The following NEXMIF variants were observed in gnomAD, a reference collection of about 807,000 sequenced individuals.
The protein encoded by NEXMIF is XLMR protein related to neurite extension.
A neutral mutation model predicts 62.1 loss-of-function variants in NEXMIF; 8 were observed. The ratio of observed to expected loss-of-function variants is 0.13; its 90% confidence interval spans 0.08 to 0.23. The LOEUF is 0.23. Ranked by LOEUF, NEXMIF falls within the 10% of genes least tolerant of loss-of-function variation. NEXMIF has a pLI of 1.00. For missense variants in NEXMIF, 976 were observed against 1,113.3 expected, an observed-to-expected ratio of 0.88 and a Z score of 1.75; for synonymous variants, 404 against 416.6, an observed-to-expected ratio of 0.97 and a Z score of 0.37.
intron 1 of NEXMIF, among the ~76,000 whole-genome samples, chrX:74,884,889 C>G (rs754433437): frequency 1.8e-5 from 2 of 111,492 alleles, no homozygotes; most frequent in African/African-American, 3.3e-5. Context: ...TGACCACATT[C>G]TTGGAAGTAA....
chrX:74,873,551 C>G (rs2080613484), intron 1 of NEXMIF, among the ~76,000 whole-genome samples: 2 of 111,809 alleles, frequency 1.8e-5, no homozygotes, highest in Admixed American at 1.9e-4. Context: ...TTCTAGATCC[C>G]TGAGGAAACA....
At chrX:74,851,378 A>G (rs370773359) in intron 1 of NEXMIF, among the ~76,000 whole-genome samples, 1 of 111,361 alleles carries the variant, frequency 9.0e-6, no homozygotes, top group Non-Finnish European at 1.9e-5. Context: ...AAGCTCAGAG[A>G]TCTCCAAATA....
chrX:74,856,496 G>A (rs185078322), intron 1 of NEXMIF, among the ~76,000 whole-genome samples: 16 of 111,368 alleles, frequency 1.4e-4, no homozygotes, highest in African/African-American at 5.2e-4. Flanking sequence ...GAAAAAGGAC[G>A]AAAAGAATAC....
At chrX:74,773,032 A>T (rs1249205293) in intron 1 of NEXMIF, among the ~76,000 whole-genome samples, 4 of 111,923 alleles carry the variant, frequency 3.6e-5, no homozygotes, top group African/African-American at 9.7e-5. Flanking sequence ...GTTAAAAATG[A>T]TGTCTGTGCT....
In NEXMIF at chrX:74,796,626, C is replaced by T. The variant is rs187585992; in HGVS notation, c.-47-50929G>A. ...GGAAGAGGGCATGTGTTTAAAGGGA[C>T]GCAGGAACCAACCTGAAATAATTCC... On this transcript the variant is annotated intron_variant, in intron 1 of 3. Transcript: ENST00000055682. 3.2e-4 allele frequency among the ~76,000 whole-genome samples: 35 copies of T among 109,967 alleles called. No homozygotes were observed. The South Asian group carries it at 5.4e-3, about 17-fold the overall frequency.
At chrX:74,857,347 G>A (rs1009046135) in intron 1 of NEXMIF, among the ~76,000 whole-genome samples, 3 of 112,227 alleles carry the variant, frequency 2.7e-5, no homozygotes, top group Non-Finnish European at 5.6e-5. Context: ...TAGGGCACTG[G>A]TCAGAGTCTT....
At chrX:74,861,093 G>A (rs2080555817) in intron 1 of NEXMIF, among the ~76,000 whole-genome samples, 2 of 111,741 alleles carry the variant, frequency 1.8e-5, no homozygotes, top group African/African-American at 6.5e-5. Context: ...TGCTAAGAAC[G>A]ATGATAAAAC....
chrX:74,763,406 C>T (rs1461076003), intron 1 of NEXMIF, among the ~76,000 whole-genome samples: 3 of 111,855 alleles, frequency 2.7e-5, no homozygotes, highest in Non-Finnish European at 3.8e-5. Flanking sequence ...AGTGTGATGC[C>T]TCCAGCTTTG....
At chrX:74,852,930 G>A (rs1000244913) in intron 1 of NEXMIF, among the ~76,000 whole-genome samples, 2 of 110,948 alleles carry the variant, frequency 1.8e-5, no homozygotes, top group Non-Finnish European at 3.8e-5. Context: ...TTAGTAGGAG[G>A]AAGGAAATAA....
intron 1 of NEXMIF, among the ~76,000 whole-genome samples, chrX:74,876,925 T>G (rs1273851325): frequency 9.0e-6 from 1 of 111,562 alleles, no homozygotes; most frequent in Admixed American, 9.6e-5. Flanking sequence ...AACACACTGA[T>G]GGGTCTTGAC....
intron 1 of NEXMIF, among the ~76,000 whole-genome samples, chrX:74,884,498 A>G (rs898306625): frequency 9.0e-6 from 1 of 111,696 alleles, no homozygotes; most frequent in African/African-American, 3.3e-5. Context: ...TTGCAATCCT[A>G]GTCTCTGATA....
At chrX:74,885,195 G>A (rs2080686034) in intron 1 of NEXMIF, among the ~76,000 whole-genome samples, 1 of 111,242 alleles carries the variant, frequency 9.0e-6, no homozygotes, top group East Asian at 2.8e-4. Flanking sequence ...GAGAAAGCAG[G>A]AAAGATCTGA....
At chrX:74,841,013 T>C (rs2080472172) in intron 1 of NEXMIF, among the ~76,000 whole-genome samples, 1 of 112,400 alleles carries the variant, frequency 8.9e-6, no homozygotes, top group African/African-American at 3.2e-5. Context: ...TCTAATTCTG[T>C]GAAGAATGTC....
intron 1 of NEXMIF, among the ~76,000 whole-genome samples, chrX:74,768,773 A>T (rs1339982228): frequency 8.9e-6 from 1 of 112,478 alleles, no homozygotes; most frequent in Non-Finnish European, 1.9e-5. Flanking sequence ...TAAGAAAATC[A>T]CTTGTACAAA....
At chrX:74,828,511 G>C (rs1255455102) in intron 1 of NEXMIF, among the ~76,000 whole-genome samples, 1 of 112,127 alleles carries the variant, frequency 8.9e-6, no homozygotes, top group South Asian at 3.7e-4. Flanking sequence ...GGTTGGTGTT[G>C]TCATAAAATG....
In NEXMIF at chrX:74,877,099, C is replaced by T. The variant is rs1352888359; in HGVS notation, c.-48+47784G>A. ...TTCTTCCTAGTCTTGATGGTCTTTA[C>T]ATTTTGGCATGATTTTGCAGCAGCT... On this transcript the variant is annotated intron_variant, in intron 1 of 3. Transcript: ENST00000055682. Among the ~76,000 whole-genome samples the T allele has an allele frequency of 3.6e-5, 4 of 111,909 alleles. No homozygotes were observed. In the East Asian group the frequency reaches 1.1e-3, roughly 31 times the overall value.
chrX:74,841,813 C>T (rs780731414), intron 1 of NEXMIF, among the ~76,000 whole-genome samples: 1 of 111,996 alleles, frequency 8.9e-6, no homozygotes, highest in East Asian at 2.8e-4. Context: ...ACCAGCCTTG[C>T]ATCATGGTGA....
At chrX:74,739,862 G>A in intron 3 of NEXMIF, 1 of 395,160 alleles carries the variant, frequency 2.5e-6, no homozygotes, top group East Asian at 4.0e-5. Flanking sequence ...AAATAGCTTT[G>A]TTAGAGCTTA....
chrX:74,825,713 TC>T (rs753346514), intron 1 of NEXMIF, among the ~76,000 whole-genome samples: 16 of 111,847 alleles, frequency 1.4e-4, no homozygotes, highest in Non-Finnish European at 2.3e-4. Flanking sequence ...CACCATCATG[TC>T]TGGCTAATTT....
Sources: gnomAD v4.1 joint callset for allele counts (sites outside exome capture counted in the v4.1 genomes callset) on GRCh38, gnomAD v4.1.1 for gene constraint, MANE v1.5 for transcripts, NCBI Gene and HGNC (gene_info 2026-07-23, HGNC 2026-07-21) for gene names.